The following PTPRD variants were observed in gnomAD, a reference collection of about 807,000 sequenced individuals.
The protein encoded by PTPRD is protein tyrosine phosphatase receptor type D, also known as receptor-type tyrosine-protein phosphatase delta.
In PTPRD, 34 loss-of-function variants were observed where a neutral mutation model predicts 214.5. The observed-to-expected ratio is 0.16, with a 90% CI of 0.12 to 0.21. PTPRD has a LOEUF of 0.21. PTPRD is among the 10% of genes least tolerant of loss of function. The pLI, the probability that PTPRD is intolerant of heterozygous loss-of-function variation, is 1.00. For synonymous variants in PTPRD, 1,128 were observed against 845.7 expected, an observed-to-expected ratio of 1.33 and a Z score of -5.79; for missense variants, 2,545 against 2,398.7, an observed-to-expected ratio of 1.06 and a Z score of -1.27.
At chr9:9,191,885 T>G (rs182061885) in intron 9 of PTPRD, among the ~76,000 whole-genome samples, 2 of 152,114 alleles carry the variant, frequency 1.3e-5, no homozygotes, top group Non-Finnish European at 2.9e-5. Flanking sequence ...GGGTATTTTG[T>G]GTCTCTTTGA....
At chr9:8,797,858 A>T (rs2096477424) in intron 11 of PTPRD, among the ~76,000 whole-genome samples, 1 of 143,024 alleles carries the variant, frequency 7.0e-6, no homozygotes, top group Non-Finnish European at 1.5e-5. Context: ...TCAGAAAATA[A>T]ATTTAACAGA....
chr9:9,894,864 TTGAGA>T (rs1302361410), intron 5 of PTPRD, among the ~76,000 whole-genome samples: 2 of 152,084 alleles, frequency 1.3e-5, no homozygotes, highest in African/African-American at 4.8e-5. Flanking sequence ...TTGTTTCTTT[TTGAGA>T]TGTTTCTCTG....
chr9:8,517,746 T>G, intron 21 of PTPRD, 102 bp downstream of exon 21: 1 of 1,032,594 alleles, frequency 9.7e-7, no homozygotes, highest in Non-Finnish European at 1.4e-6. Flanking sequence ...ATCTCAAAAA[T>G]TAAAATTCAT....
At chr9:8,840,604 T>C (rs1301036134) in intron 11 of PTPRD, among the ~76,000 whole-genome samples, 1 of 152,230 alleles carries the variant, frequency 6.6e-6, no homozygotes, top group African/African-American at 2.4e-5. Context: ...CTGTTGAACA[T>C]ATTCAAATGG....
intron 8 of PTPRD, among the ~76,000 whole-genome samples, chr9:9,545,703 G>A (rs1157595860): frequency 6.6e-6 from 1 of 151,664 alleles, no homozygotes; most frequent in Non-Finnish European, 1.5e-5. Flanking sequence ...ACACTGTCTT[G>A]ATTACTGTAG....
intron 10 of PTPRD, chr9:9,090,804 C>G: frequency 1.4e-6 from 1 of 700,188 alleles, no homozygotes; most frequent in Non-Finnish European, 2.6e-6. Flanking sequence ...CTTCAAATAA[C>G]TCTTAATGAC....
intron 9 of PTPRD, among the ~76,000 whole-genome samples, chr9:9,388,042 A>G (rs1255250075): frequency 6.6e-6 from 1 of 152,074 alleles, no homozygotes; most frequent in Admixed American, 6.6e-5. Context: ...GTACTGGAAG[A>G]ATTGGATCAC....
intron 11 of PTPRD, chr9:8,857,898 G>A (rs2097968325): frequency 6.4e-6 from 1 of 156,996 alleles, no homozygotes; most frequent in South Asian, 1.8e-4. Context: ...CAGCATCCAA[G>A]GCAGCGCGTC....
intron 11 of PTPRD, among the ~76,000 whole-genome samples, chr9:8,808,806 C>A (rs933400876): frequency 6.6e-6 from 1 of 152,074 alleles, no homozygotes; most frequent in East Asian, 1.9e-4. Context: ...AGACTGGACT[C>A]AATGAATCAA....
At chr9:9,527,655 T>C (rs2074438666) in intron 8 of PTPRD, among the ~76,000 whole-genome samples, 1 of 152,184 alleles carries the variant, frequency 6.6e-6, no homozygotes, top group Non-Finnish European at 1.5e-5. Context: ...ATAATAACTC[T>C]TCAAGCATCT....
At chr9:9,346,129 T>C (rs2048709702) in intron 9 of PTPRD, among the ~76,000 whole-genome samples, 1 of 152,132 alleles carries the variant, frequency 6.6e-6, no homozygotes, top group South Asian at 2.1e-4. Flanking sequence ...ACAAATTCCT[T>C]AATAAAATAT....
intron 2 of PTPRD, among the ~76,000 whole-genome samples, chr9:10,569,208 A>C (rs2131864545): frequency 6.6e-6 from 1 of 152,320 alleles, no homozygotes; most frequent in Middle Eastern, 3.4e-3. Flanking sequence ...ATGCAAATCA[A>C]AACCACAGTG....
At chr9:9,880,531 G>A (rs571608710) in intron 5 of PTPRD, among the ~76,000 whole-genome samples, 15 of 151,970 alleles carry the variant, frequency 9.9e-5, no homozygotes, top group Non-Finnish European at 2.2e-4. Context: ...ATAATCTTCA[G>A]ATATTTACTT....
At chr9:9,487,566 C>CAA (rs80053414) in intron 8 of PTPRD, among the ~76,000 whole-genome samples, 3 of 151,650 alleles carry the variant, frequency 2.0e-5, no homozygotes, top group Non-Finnish European at 4.4e-5. Flanking sequence ...TTTCTTAATT[C>CAA]AAAAAAATCT....
At chr9:9,862,909 A>G (rs919061993) in intron 5 of PTPRD, among the ~76,000 whole-genome samples, 2 of 152,164 alleles carry the variant, frequency 1.3e-5, no homozygotes, top group African/African-American at 4.8e-5. Context: ...ACACAACAAA[A>G]TATTTGGGGC....
chr9:8,510,314 A>T (rs1177877131), intron 21 of PTPRD, among the ~76,000 whole-genome samples: 1 of 151,896 alleles, frequency 6.6e-6, no homozygotes, highest in East Asian at 1.9e-4. Context: ...AATAAATAAT[A>T]ATATATAAAA....
At chr9:10,402,248 A>T (rs76029742) in intron 2 of PTPRD, among the ~76,000 whole-genome samples, 3,815 of 151,754 alleles carry the variant, frequency 0.025, 106 homozygotes, top group East Asian at 0.094. Context: ...CTACATGGGG[A>T]TTTATGAAAT....
chr9:10,472,767 C>T (rs2099039456), intron 2 of PTPRD, among the ~76,000 whole-genome samples: 1 of 151,914 alleles, frequency 6.6e-6, no homozygotes. Context: ...TCCTAGAAAA[C>T]TCAAATTAAA....
At chr9:8,385,974 T>G (rs2086873571) in intron 37 of PTPRD, among the ~76,000 whole-genome samples, 1 of 152,166 alleles carries the variant, frequency 6.6e-6, no homozygotes, top group Non-Finnish European at 1.5e-5. Context: ...CTCTTTTCAT[T>G]TGGGAACACA....
Sources: gnomAD v4.1 joint callset for allele counts (sites outside exome capture counted in the v4.1 genomes callset) on GRCh38, gnomAD v4.1.1 for gene constraint, MANE v1.5 for transcripts, NCBI Gene and HGNC (gene_info 2026-07-23, HGNC 2026-07-21) for gene names.